Variants in FHIT observed in about 807,000 individuals in gnomAD.
FHIT encodes fragile histidine triad diadenosine triphosphatase, also known as bis(5'-adenosyl)-triphosphatase.
Under a neutral mutation model 17.9 loss-of-function variants are expected in FHIT, and 19 were observed. That is an observed-to-expected ratio of 1.06 (90% confidence interval 0.74 to 1.56). The LOEUF is 1.56. Ranked by LOEUF, FHIT falls within the 40% of genes most tolerant of loss-of-function variation. The probability of loss-of-function intolerance (pLI) is 0.00; values close to 1 mark genes in which losing one functional copy is unlikely to be tolerated. For missense variants in FHIT, 248 were observed against 189.2 expected, an observed-to-expected ratio of 1.31 and a Z score of -1.82; for synonymous variants, 81 against 69.7, an observed-to-expected ratio of 1.16 and a Z score of -0.81.
intron 5 of FHIT, among the ~76,000 whole-genome samples, chr3:60,211,093 G>A (rs1703432197): frequency 6.9e-6 from 1 of 145,894 alleles, no homozygotes; most frequent in African/African-American, 2.5e-5. Context: ...AAAAAGAAGA[G>A]GAGGAAGAGG....
chr3:60,220,157 A>C (rs1703898485), intron 5 of FHIT, among the ~76,000 whole-genome samples: 1 of 152,170 alleles, frequency 6.6e-6, no homozygotes, highest in Non-Finnish European at 1.5e-5. Context: ...ATCAGAGACA[A>C]AGTGGAGGCC....
intron 8 of FHIT, among the ~76,000 whole-genome samples, chr3:59,863,858 C>T (rs752456339): frequency 1.2e-4 from 18 of 152,174 alleles, no homozygotes; most frequent in Non-Finnish European, 2.4e-4. Context: ...AAGGTGCCTG[C>T]GGTAGTTTTA....
chr3:61,160,958 T>G (rs538956258), intron 2 of FHIT, among the ~76,000 whole-genome samples: 1 of 152,184 alleles, frequency 6.6e-6, no homozygotes, highest in Non-Finnish European at 1.5e-5. Context: ...GATTATCTCC[T>G]TTGCAGAGTG....
intron 5 of FHIT, among the ~76,000 whole-genome samples, chr3:60,213,882 C>G (rs879244468): frequency 5.9e-5 from 9 of 152,134 alleles, no homozygotes; most frequent in Admixed American, 3.3e-4. Flanking sequence ...GAAAGCATGC[C>G]TATCTACATC....
At chr3:60,367,953 C>A (rs1328837073) in intron 5 of FHIT, among the ~76,000 whole-genome samples, 1 of 152,100 alleles carries the variant, frequency 6.6e-6, no homozygotes, top group Admixed American at 6.5e-5. Flanking sequence ...AGAAGTCCAC[C>A]ATGCACTTAC....
intron 8 of FHIT, among the ~76,000 whole-genome samples, chr3:59,893,193 C>T (rs1575653970): frequency 6.6e-6 from 1 of 152,156 alleles, no homozygotes; most frequent in Admixed American, 6.5e-5. Context: ...CAAAGGGAAA[C>T]ATAGCAAATT....
chr3:60,408,743 A>C (rs1404947792), intron 5 of FHIT, among the ~76,000 whole-genome samples: 1 of 152,200 alleles, frequency 6.6e-6, no homozygotes, highest in Non-Finnish European at 1.5e-5. Context: ...GAGATACTAC[A>C]GAAATTAGAA....
chr3:60,664,780 T>C (rs964269454), intron 4 of FHIT, among the ~76,000 whole-genome samples: 8 of 151,506 alleles, frequency 5.3e-5, no homozygotes, highest in African/African-American at 1.7e-4. Context: ...AAGTTGTTCA[T>C]AGTATTTTTA....
chr3:61,211,046 G>C (rs369491017), intron 1 of FHIT, among the ~76,000 whole-genome samples: 105 of 152,118 alleles, frequency 6.9e-4, no homozygotes, highest in African/African-American at 2.5e-3. Context: ...AATAGAAACA[G>C]CTCCGGTCTA....
intron 4 of FHIT, among the ~76,000 whole-genome samples, chr3:60,547,814 G>A (rs555645951): frequency 3.3e-5 from 5 of 152,212 alleles, no homozygotes; most frequent in African/African-American, 1.2e-4. Context: ...TTTTGACAGG[G>A]CTAGATAGGC....
rs145659631 is a variant in FHIT at position 60,256,662 on chromosome 3, A to T, written c.104-242510T>A. Among the ~76,000 whole-genome samples the T allele has an allele frequency of 6.8e-3, 1,033 of 152,270 alleles. 11 individuals carry two copies. The highest frequency in any genetic ancestry group is 0.024 in the African/African-American group (989 of 41,550). ...CTTTCTCATCTCCCACTTCTAATCA[A>T]TTGATAACTTTGGTAGATCCCACCT... is the stretch of plus-strand genomic sequence containing the variant. On this transcript the variant is annotated intron_variant, in intron 5 of 9. Coordinates refer to ENST00000492590, the MANE Select transcript of FHIT (RefSeq NM_002012.4).
At chr3:60,613,162 T>C (rs1423288820) in intron 4 of FHIT, among the ~76,000 whole-genome samples, 1 of 152,206 alleles carries the variant, frequency 6.6e-6, no homozygotes, top group Non-Finnish European at 1.5e-5. Flanking sequence ...GCCCCCTCCT[T>C]CCTTATGAAC....
intron 5 of FHIT, among the ~76,000 whole-genome samples, chr3:60,428,477 AGAGCACGTTTT>A (rs543715508): frequency 4.1e-4 from 62 of 152,306 alleles, no homozygotes; most frequent in African/African-American, 1.4e-3. Context: ...TAGCTTCATC[AGAGCACGTTTT>A]GAGTCTGCAT....
intron 5 of FHIT, among the ~76,000 whole-genome samples, chr3:60,298,525 G>A (rs552758803): frequency 2.6e-4 from 39 of 152,242 alleles, no homozygotes; most frequent in Admixed American, 8.5e-4. Context: ...GAATAGTAGC[G>A]GTGAGAGTCA....
intron 2 of FHIT, among the ~76,000 whole-genome samples, chr3:61,170,275 C>T (rs763478623): frequency 5.3e-5 from 8 of 152,086 alleles, no homozygotes; most frequent in Non-Finnish European, 7.4e-5. Flanking sequence ...TTTTACTTTG[C>T]AATTAAATTT....
At chr3:61,092,160 G>A (rs1575997330) in intron 2 of FHIT, among the ~76,000 whole-genome samples, 1 of 152,056 alleles carries the variant, frequency 6.6e-6, no homozygotes, top group East Asian at 1.9e-4. Context: ...TTGGTCACAT[G>A]ACCACTGCTT....
intron 5 of FHIT, among the ~76,000 whole-genome samples, chr3:60,322,880 G>C (rs115683766): frequency 3.3e-5 from 5 of 152,052 alleles, no homozygotes; most frequent in Non-Finnish European, 7.4e-5. Context: ...AATTTGAACC[G>C]TCTGAATTAT....
intron 5 of FHIT, among the ~76,000 whole-genome samples, chr3:60,269,494 A>G (rs1706757368): frequency 6.6e-6 from 1 of 152,362 alleles, no homozygotes; most frequent in South Asian, 2.1e-4. Flanking sequence ...TGAGAACACA[A>G]AAGTTGCTTT....
At chr3:60,414,851 T>G (rs1241685262) in intron 5 of FHIT, among the ~76,000 whole-genome samples, 1 of 152,202 alleles carries the variant, frequency 6.6e-6, no homozygotes, top group Admixed American at 6.5e-5. Flanking sequence ...CTCATCTGGT[T>G]TGAAACATTT....
Sources: allele counts gnomAD v4.1 joint callset (sites outside exome capture counted in the v4.1 genomes callset), GRCh38; gene constraint gnomAD v4.1.1; transcripts MANE v1.5; gene names NCBI Gene and HGNC (gene_info 2026-07-23, HGNC 2026-07-21).